Variants in WFDC10B observed in about 807,000 individuals in gnomAD.
WFDC10B encodes protein WFDC10B.
Under a neutral mutation model 2.7 loss-of-function variants are expected in WFDC10B, and 1 was observed. The ratio of observed to expected loss-of-function variants is 0.38; its 90% CI spans 0.13 to 1.79. WFDC10B has a LOEUF of 1.79. Ranked by LOEUF, WFDC10B falls within the 40% of genes most tolerant of loss-of-function variation. WFDC10B has a pLI of 0.33. For missense variants in WFDC10B, 71 were observed against 87.8 expected, an observed-to-expected ratio of 0.81 and a Z score of 0.76; for synonymous variants, 26 against 32.2, an observed-to-expected ratio of 0.81 and a Z score of 0.65.
intron 2 of WFDC10B, among the ~76,000 whole-genome samples, chr20:45,690,089 T>C (rs1983758701): frequency 6.6e-6 from 1 of 152,234 alleles, no homozygotes; most frequent in African/African-American, 2.4e-5. Flanking sequence ...TCTGCATCTA[T>C]TGAGATAATC....
At chr20:45,696,574 C>T (rs1983986340) in intron 2 of WFDC10B, among the ~76,000 whole-genome samples, 1 of 151,916 alleles carries the variant, frequency 6.6e-6, no homozygotes, top group Non-Finnish European at 1.5e-5. Context: ...TGGGACATCA[C>T]CACCAACCTT....
At chr20:45,701,490 G>A (rs1027029846) in intron 2 of WFDC10B, among the ~76,000 whole-genome samples, 4 of 152,066 alleles carry the variant, frequency 2.6e-5, no homozygotes, top group Admixed American at 6.6e-5. Context: ...GACCAGGCGC[G>A]GTGGCTCACA....
rs923011785 is a variant in WFDC10B at position 45,700,699 on chromosome 20, G to A, written c.-65+3798C>T. ...TCTAAACCTGATAGAGGGTACTTAT[G>A]AGAAACCTAAAGTGGAGACAATTCT... On this transcript the variant is annotated intron_variant, in intron 2 of 3. Coordinates refer to ENST00000330523, the MANE Select transcript of WFDC10B (RefSeq NM_172006.2). Among the ~76,000 whole-genome samples, 3 of 152,288 alleles carry A rather than the reference G, an allele frequency of 2.0e-5. No individual in the cohort carries two copies. In the East Asian group the frequency reaches 5.8e-4, roughly 29 times the overall value.
chr20:45,703,566 A>T (rs994298507), intron 2 of WFDC10B, among the ~76,000 whole-genome samples: 1 of 152,186 alleles, frequency 6.6e-6, no homozygotes, highest in Non-Finnish European at 1.5e-5. Context: ...ATCACAAGGT[A>T]CAAAAATTAG....
At chr20:45,701,972 C>A in intron 2 of WFDC10B, 1 of 660,844 alleles carries the variant, frequency 1.5e-6, no homozygotes, top group South Asian at 1.9e-5. Flanking sequence ...TGCTTGGATT[C>A]CTGCCCTGCC....
At chr20:45,686,232 A>AC (rs1983613356) in intron 2 of WFDC10B, among the ~76,000 whole-genome samples, 176 bp from the exon 3 acceptor site, 1 of 152,126 alleles carries the variant, frequency 6.6e-6, no homozygotes, top group African/African-American at 2.4e-5. Flanking sequence ...ACATCACATA[A>AC]CCAGTCCTGT....
chr20:45,687,377 G>A (rs1408794994), intron 2 of WFDC10B, among the ~76,000 whole-genome samples: 2 of 152,114 alleles, frequency 1.3e-5, no homozygotes, highest in Non-Finnish European at 2.9e-5. Context: ...ATTCCATGGT[G>A]TATATGTACC....
At chr20:45,700,111 A>G (rs562444998) in intron 2 of WFDC10B, among the ~76,000 whole-genome samples, 1 of 152,324 alleles carries the variant, frequency 6.6e-6, no homozygotes, top group Admixed American at 6.5e-5. Flanking sequence ...AACTACCTAA[A>G]TGCCCAAATA....
intron 2 of WFDC10B, among the ~76,000 whole-genome samples, chr20:45,700,316 G>A (rs1004517078): frequency 2.6e-5 from 4 of 152,272 alleles, no homozygotes; most frequent in Admixed American, 1.3e-4. Context: ...AGAATTTATA[G>A]AGAATTGATA....
chr20:45,694,801 G>A (rs6065866), intron 2 of WFDC10B, among the ~76,000 whole-genome samples: 28,845 of 152,142 alleles, frequency 0.19, 2,989 homozygotes, highest in East Asian at 0.32. Context: ...CACCAGAAAG[G>A]TCAAGTGATT....
intron 2 of WFDC10B, among the ~76,000 whole-genome samples, chr20:45,699,095 G>A (rs1000685066): frequency 2.0e-5 from 3 of 151,954 alleles, no homozygotes; most frequent in Admixed American, 6.5e-5. Flanking sequence ...CACATTTTTT[G>A]ACTGGCTATA....
At position 45,684,960 on chromosome 20, in the gene WFDC10B, C is replaced by A; in HGVS notation, c.92G>T (p.Arg31Ile). The change falls in exon 4 of 4, where the codon AGA (arginine) becomes ATA (isoleucine). Residue 31 changes from arginine (R) to isoleucine (I), a missense_variant and splice_region_variant. Coordinates refer to ENST00000330523, the MANE Select transcript of WFDC10B (RefSeq NM_172006.2). ...GGYRDKMRMQ[R>I]IKVCEKRPSI... ...GGGTCGCTTCTCACAGACCTTGATT[C>A]CTGAAATGATGCAGGAGCAGGGTCA... 6.2e-7 allele frequency: 1 copy of A among 1,613,740 alleles called. No individual in the cohort carries two copies. The highest frequency in any genetic ancestry group is 1.7e-5 in the Admixed American group (1 of 59,986).
At chr20:45,686,299 A>G (rs73908185) in intron 2 of WFDC10B, among the ~76,000 whole-genome samples, 1,546 of 152,324 alleles carry the variant, frequency 0.01, 28 homozygotes, top group African/African-American at 0.035. Context: ...CTGCTTTCTA[A>G]TTATAAAATG....
chr20:45,691,407 T>A lies in WFDC10B; in HGVS notation c.-64-5351A>T, dbSNP rs547150331. On this transcript the variant is annotated intron_variant, in intron 2 of 3. Coordinates refer to ENST00000330523, the MANE Select transcript of WFDC10B (RefSeq NM_172006.2). Reference sequence around the variant, plus strand: ...TGGGTATCCTTGTTGACTTTCTGTCTCGTTGATCTGTCTAATGTTGACAGT... The same window carrying A: ...TGGGTATCCTTGTTGACTTTCTGTCACGTTGATCTGTCTAATGTTGACAGT... Among the ~76,000 whole-genome samples the A allele has an allele frequency of 1.8e-4, 27 of 150,882 alleles. No homozygotes were observed. In the Middle Eastern group the frequency reaches 0.01, roughly 57 times the overall value.
At chr20:45,689,156 T>A (rs1444538562) in intron 2 of WFDC10B, among the ~76,000 whole-genome samples, 1 of 147,832 alleles carries the variant, frequency 6.8e-6, no homozygotes, top group Non-Finnish European at 1.5e-5. Flanking sequence ...GTTGTAGATA[T>A]GTGGCGTTAT....
At chr20:45,685,538 C>T (rs1462665299) in intron 3 of WFDC10B, among the ~76,000 whole-genome samples, 1 of 152,192 alleles carries the variant, frequency 6.6e-6, no homozygotes, top group Non-Finnish European at 1.5e-5. Flanking sequence ...TACACCTACC[C>T]TCATAACCAC....
At chr20:45,690,583 C>T (rs373161714) in intron 2 of WFDC10B, among the ~76,000 whole-genome samples, 5 of 151,950 alleles carry the variant, frequency 3.3e-5, no homozygotes, top group African/African-American at 9.7e-5. Flanking sequence ...GTGTACGTGT[C>T]GAGGAATTTA....
chr20:45,701,948 G>A, intron 2 of WFDC10B: 1 of 606,550 alleles, frequency 1.6e-6, no homozygotes, highest in South Asian at 2.0e-5. Flanking sequence ...CCTGGAGTGG[G>A]TGTGATTGGG....
At chr20:45,692,792 C>T (rs1167653320) in intron 2 of WFDC10B, among the ~76,000 whole-genome samples, 41 of 151,854 alleles carry the variant, frequency 2.7e-4, no homozygotes, top group Admixed American at 2.7e-3. Flanking sequence ...TCCTGTAGCT[C>T]GTAGTTTGAT....
Sources: gnomAD v4.1 joint callset for allele counts (sites outside exome capture counted in the v4.1 genomes callset) on GRCh38, gnomAD v4.1.1 for gene constraint, MANE v1.5 for transcripts, NCBI Gene and HGNC (gene_info 2026-07-23, HGNC 2026-07-21) for gene names.